The following NEDD4L variants were observed in gnomAD, a reference collection of about 807,000 sequenced individuals.
The protein encoded by NEDD4L is E3 ubiquitin-protein ligase NEDD4-like.
Under a neutral mutation model 148.9 loss-of-function variants are expected in NEDD4L, and 54 were observed. That is an observed-to-expected ratio of 0.36 (90% confidence interval 0.29 to 0.45). The LOEUF is 0.45. Among genes scored for constraint, NEDD4L ranks in the 20% least tolerant of loss-of-function variants. NEDD4L has a pLI of 1.00. For missense variants in NEDD4L, 856 were observed against 1,233.8 expected (o/e 0.69, Z 4.59); for synonymous variants, 433 against 440.7 (o/e 0.98, Z 0.22).
In NEDD4L at chr18:58,290,324, T is replaced by A. The variant is rs760431642; in HGVS notation, c.298-25658T>A. Reference sequence around the variant, plus strand: ...GCAACATGTTTGTTGTAAAAATAGATCCACATTCGTCATTGAACTGGACAG... The same window carrying A: ...GCAACATGTTTGTTGTAAAAATAGAACCACATTCGTCATTGAACTGGACAG... On this transcript the variant is annotated intron_variant, in intron 5 of 30. Coordinates refer to ENST00000400345, the MANE Select transcript of NEDD4L (RefSeq NM_001144967.3). 2.6e-5 allele frequency among the ~76,000 whole-genome samples: 4 copies of A among 152,244 alleles called. No homozygotes were observed. The South Asian group carries it at 8.3e-4, about 32-fold the overall frequency.
intron 5 of NEDD4L, among the ~76,000 whole-genome samples, chr18:58,268,604 G>A (rs1326920271): frequency 6.6e-6 from 1 of 152,080 alleles, no homozygotes; most frequent in Non-Finnish European, 1.5e-5. Context: ...CTTAGTTCAT[G>A]GAAAAGGCAA....
intron 22 of NEDD4L, among the ~76,000 whole-genome samples, chr18:58,368,710 T>C (rs556282896): frequency 6.6e-6 from 1 of 152,372 alleles, no homozygotes; most frequent in South Asian, 2.1e-4. Flanking sequence ...TGAATATGTT[T>C]TTACTGTTAA....
intron 1 of NEDD4L, among the ~76,000 whole-genome samples, chr18:58,163,621 A>G (rs892123706): frequency 6.6e-6 from 1 of 152,118 alleles, no homozygotes; most frequent in African/African-American, 2.4e-5. Flanking sequence ...AAAGTAGGCC[A>G]TGTTTGAAAG....
chr18:58,195,700 C>G (rs763644482), intron 2 of NEDD4L: 3 of 1,352,096 alleles, frequency 2.2e-6, no homozygotes, highest in Non-Finnish European at 2.9e-6. Context: ...TCTCCGCTCC[C>G]CACTTCAGAC....
rs753666609 is a variant in NEDD4L at position 58,383,287 on chromosome 18, G to T, written c.2394G>T (p.Met798Ile). Residue 798 changes from methionine to isoleucine, a missense_variant, in exon 25 of 31, where the codon ATG (methionine) becomes ATT (isoleucine). Met to Ile is a conservative substitution (Grantham distance 10, BLOSUM62 1). This residue lies in a region of NEDD4L where 286 missense variants were observed against 531.8 expected (regional missense o/e 0.54). Coordinates refer to ENST00000400345, the MANE Select transcript of NEDD4L (RefSeq NM_001144967.3). ...VDLKPNGSEIMVTNENKREYI... is the reference protein window; with the variant it reads ...VDLKPNGSEIIVTNENKREYI... ...TGAAGCCCAATGGGTCAGAAATAAT[G>T]GTCACAAATGAAAACAAAAGGGAAT... is the stretch of plus-strand genomic sequence containing the variant. 5 of 1,542,212 alleles carry T rather than the reference G, an allele frequency of 3.2e-6. No homozygotes were observed. The highest frequency in any genetic ancestry group is 2.4e-5 in the South Asian group (2 of 83,858).
chr18:58,355,174 G>T (rs970790697), intron 18 of NEDD4L, among the ~76,000 whole-genome samples: 1 of 152,144 alleles, frequency 6.6e-6, no homozygotes, highest in Non-Finnish European at 1.5e-5. Flanking sequence ...ACTGGGGTTG[G>T]GGGGTGAGAC....
intron 1 of NEDD4L, among the ~76,000 whole-genome samples, chr18:58,052,354 G>A (rs775186938): frequency 1.3e-4 from 20 of 152,144 alleles, no homozygotes; most frequent in Admixed American, 6.5e-5. Context: ...ATTTTGTTTT[G>A]AACTGGAGTG....
chr18:58,380,164 T>A (rs2048146085), intron 24 of NEDD4L, among the ~76,000 whole-genome samples: 1 of 151,730 alleles, frequency 6.6e-6, no homozygotes, highest in Non-Finnish European at 1.5e-5. Flanking sequence ...ATGTCACTTA[T>A]TCCCAGTATC....
chr18:58,258,223 A>C (rs966752908), intron 5 of NEDD4L, among the ~76,000 whole-genome samples: 1 of 152,138 alleles, frequency 6.6e-6, no homozygotes, highest in African/African-American at 2.4e-5. Flanking sequence ...CAATGGTACA[A>C]ATTTTGACAG....
intron 2 of NEDD4L, among the ~76,000 whole-genome samples, chr18:58,201,799 T>C (rs921279935): frequency 1.3e-5 from 2 of 152,222 alleles, no homozygotes; most frequent in Non-Finnish European, 2.9e-5. Context: ...ACATGGTACA[T>C]ACTGTTCTGA....
rs184664826 is a variant in NEDD4L at position 58,183,528 on chromosome 18, C to G, written c.122+17667C>G. On this transcript the variant is annotated intron_variant, in intron 2 of 30. Transcript: ENST00000400345. Reference sequence around the variant, plus strand: ...GCCCTCTGGCTAGGTAGAACAAACACTCTTCACCTGGGCTCTGAGCCAGCT... The same window carrying G: ...GCCCTCTGGCTAGGTAGAACAAACAGTCTTCACCTGGGCTCTGAGCCAGCT... Among the ~76,000 whole-genome samples the G allele has an allele frequency of 2.1e-3, 315 of 152,342 alleles. 11 individuals carry two copies. Among genetic ancestry groups the G allele is most frequent in the Admixed American group, 0.02 (302 of 15,310 alleles).
In NEDD4L at chr18:58,256,158, G is replaced by C. The variant is rs1391090405; in HGVS notation, c.297+4104G>C. ...CAGGTCAACGGCACGTGCGGCCGCC[G>C]CGTGCGGTGCTCCGGCCCCGTGGAC... On this transcript the variant is annotated intron_variant, in intron 5 of 30. Transcript: ENST00000400345. The surrounding 1 kb of genome is among the most constrained non-coding windows in gnomAD (Gnocchi z 5.2). The C allele has an allele frequency of 8.2e-7, 1 of 1,219,448 alleles. No homozygotes were observed. The highest frequency in any genetic ancestry group is 1.0e-6 in the Non-Finnish European group (1 of 980,336). The allele number at this position is 1,219,448 out of a possible 1,614,324, so 75.5% of individuals were successfully genotyped here. A position where few individuals can be genotyped will look rare whatever the true frequency, so the allele number is the denominator to read the frequency against.
At chr18:58,093,622 C>T (rs116905896) in intron 1 of NEDD4L, among the ~76,000 whole-genome samples, 2,121 of 152,232 alleles carry the variant, frequency 0.014, 25 homozygotes, top group Non-Finnish European at 0.022. Context: ...GAGACTTTCT[C>T]ACGGAAAGAA....
chr18:58,350,806 G>A (rs1477918605), intron 17 of NEDD4L, among the ~76,000 whole-genome samples, 185 bp from the exon 18 acceptor site: 1 of 152,202 alleles, frequency 6.6e-6, no homozygotes, highest in South Asian at 2.1e-4. Context: ...ATGTGATAAA[G>A]CGTGTTGCTA....
chr18:58,305,488 A>G lies in NEDD4L; in HGVS notation c.298-10494A>G, dbSNP rs140010905. Among the ~76,000 whole-genome samples, 569 of 152,296 alleles carry G rather than the reference A, an allele frequency of 3.7e-3. 4 individuals are homozygous for G. The highest frequency in any genetic ancestry group is 5.9e-3 in the Non-Finnish European group (399 of 68,028). On this transcript the variant is annotated intron_variant, in intron 5 of 30. Transcript: ENST00000400345. ...CCTGGGCACCTCTGGTTAATGGCACACCTCAGTGCTGCGCATTCTGCTCCA... is the reference window on the plus strand; with the variant it reads ...CCTGGGCACCTCTGGTTAATGGCACGCCTCAGTGCTGCGCATTCTGCTCCA...
At chr18:58,172,262 A>G (rs1048066670) in intron 2 of NEDD4L, among the ~76,000 whole-genome samples, 1 of 152,204 alleles carries the variant, frequency 6.6e-6, no homozygotes, top group Non-Finnish European at 1.5e-5. Context: ...AACAGAGGCC[A>G]AAACAGCAGC....
chr18:58,053,326 C>G (rs1431979932), intron 1 of NEDD4L, among the ~76,000 whole-genome samples: 1 of 151,228 alleles, frequency 6.6e-6, no homozygotes, highest in Non-Finnish European at 1.5e-5. Context: ...TTTTTTCTTT[C>G]CAGATGGAGT....
chr18:58,104,652 A>G (rs1390346914), intron 1 of NEDD4L, among the ~76,000 whole-genome samples: 1 of 152,138 alleles, frequency 6.6e-6, no homozygotes, highest in Non-Finnish European at 1.5e-5. Context: ...ATATTTCACT[A>G]TTTTTCACTT....
At chr18:58,216,885 C>T (rs1201802570) in intron 2 of NEDD4L, among the ~76,000 whole-genome samples, 1 of 152,138 alleles carries the variant, frequency 6.6e-6, no homozygotes, top group Non-Finnish European at 1.5e-5. Context: ...TGATCAGGAT[C>T]CTAAGTAACA....
Sources: allele counts gnomAD v4.1 joint callset (sites outside exome capture counted in the v4.1 genomes callset), GRCh38; gene constraint gnomAD v4.1.1; regional missense constraint gnomAD v4.1.1; non-coding constraint Gnocchi (gnomAD v3.1); transcripts MANE v1.5; gene names NCBI Gene and HGNC (gene_info 2026-07-23, HGNC 2026-07-21).